Variants in TMEM178B observed in about 807,000 individuals in gnomAD.
TMEM178B encodes transmembrane protein 178B.
In TMEM178B, 5 loss-of-function variants were observed where a neutral mutation model predicts 31.0. The observed-to-expected ratio is 0.16, with a 90% CI of 0.08 to 0.34. TMEM178B has a LOEUF of 0.34. TMEM178B is among the 10% of genes least tolerant of loss of function. The probability of loss-of-function intolerance (pLI) is 1.00; values close to 1 mark genes in which losing one functional copy is unlikely to be tolerated. For missense variants in TMEM178B, 275 were observed against 400.3 expected, an observed-to-expected ratio of 0.69 and a Z score of 2.67; for synonymous variants, 164 against 164.0, an observed-to-expected ratio of 1.00 and a Z score of 0.00.
At chr7:141,204,099 C>T (rs1353211291) in intron 1 of TMEM178B, among the ~76,000 whole-genome samples, 2 of 152,224 alleles carry the variant, frequency 1.3e-5, no homozygotes, top group Non-Finnish European at 2.9e-5. Context: ...CTACACTCCT[C>T]TAAGTCATTG....
At chr7:141,262,268 T>C (rs1798024684) in intron 2 of TMEM178B, among the ~76,000 whole-genome samples, 1 of 152,060 alleles carries the variant, frequency 6.6e-6, no homozygotes, top group Non-Finnish European at 1.5e-5. Context: ...GTGGAATCTA[T>C]AGAAAATCAG....
chr7:141,427,832 A>G (rs1259535213), intron 2 of TMEM178B, among the ~76,000 whole-genome samples: 1 of 152,242 alleles, frequency 6.6e-6, no homozygotes, highest in Admixed American at 6.5e-5. Context: ...CAAAATATAT[A>G]AGAAACTAAA....
downstream of TMEM178B, chr7:141,480,395 TA>T (rs1344434696): frequency 1.3e-5 from 2 of 152,220 alleles, no homozygotes; most frequent in Non-Finnish European, 2.9e-5. Context: ...TGTGTCTGCT[TA>T]GGGGTAGGGA....
chr7:141,506,114 G>T, the TMEM178B span, among the ~76,000 whole-genome samples: 3 of 152,368 alleles, frequency 2.0e-5, no homozygotes, highest in South Asian at 4.1e-4. Flanking sequence ...AGTGCACATT[G>T]CTCCCAGGGC....
chr7:141,482,526 T>C (rs1802495863), downstream of TMEM178B, among the ~76,000 whole-genome samples: 1 of 152,186 alleles, frequency 6.6e-6, no homozygotes, highest in Non-Finnish European at 1.5e-5. Flanking sequence ...AGGTGCTTAC[T>C]GGTCTGAACC....
At chr7:141,233,235 T>G (rs1229066270) in intron 2 of TMEM178B, among the ~76,000 whole-genome samples, 1 of 152,254 alleles carries the variant, frequency 6.6e-6, no homozygotes, top group Admixed American at 6.5e-5. Flanking sequence ...TTTTATCTTT[T>G]AATCCCAATG....
At chr7:141,392,575 A>G (rs1323762993) in intron 2 of TMEM178B, among the ~76,000 whole-genome samples, 1 of 152,194 alleles carries the variant, frequency 6.6e-6, no homozygotes, top group Non-Finnish European at 1.5e-5. Context: ...AAAGTGAACT[A>G]TGATTCCCTA....
intron 2 of TMEM178B, among the ~76,000 whole-genome samples, chr7:141,362,918 A>G (rs1309168758): frequency 6.6e-6 from 1 of 151,428 alleles, no homozygotes; most frequent in African/African-American, 2.5e-5. Flanking sequence ...GGCCATCTGG[A>G]AAAGTGCTCA....
At chr7:141,389,553 C>T (rs1342392618) in intron 2 of TMEM178B, among the ~76,000 whole-genome samples, 2 of 152,092 alleles carry the variant, frequency 1.3e-5, no homozygotes, top group Non-Finnish European at 2.9e-5. Flanking sequence ...TGGGAGGCCC[C>T]GATGTTCCCA....
Position 141,137,358 on chromosome 7 carries a change from A to G in TMEM178B, c.382+62666A>G, listed in dbSNP as rs565458844. On this transcript the variant is annotated intron_variant, in intron 1 of 3. Coordinates refer to ENST00000565468, the MANE Select transcript of TMEM178B (RefSeq NM_001195278.2). ...TAGATAAAGGAAATGTGGCATATAT[A>G]TGCAATGAAATACTATTCAGCCATC... 1.6e-4 allele frequency among the ~76,000 whole-genome samples: 24 copies of G among 152,350 alleles called. No homozygotes were observed. In the South Asian group the frequency reaches 5.0e-3, roughly 32 times the overall value.
the TMEM178B span, among the ~76,000 whole-genome samples, chr7:141,499,123 G>T: frequency 6.6e-6 from 1 of 152,058 alleles, no homozygotes; most frequent in African/African-American, 2.4e-5. Flanking sequence ...CAAGCTTCAG[G>T]GGCTACTGTG....
intron 2 of TMEM178B, among the ~76,000 whole-genome samples, chr7:141,377,425 T>C (rs1393786802): frequency 6.6e-6 from 1 of 151,974 alleles, no homozygotes; most frequent in Non-Finnish European, 1.5e-5. Flanking sequence ...TCAGGTGATC[T>C]GCCTGCCTCG....
intron 1 of TMEM178B, among the ~76,000 whole-genome samples, chr7:141,119,472 T>G (rs777238944): frequency 6.6e-6 from 1 of 152,148 alleles, no homozygotes; most frequent in South Asian, 2.1e-4. Context: ...AGTGACTTAG[T>G]GTGATTTTAC....
chr7:141,102,165 G>T (rs1795069626), intron 1 of TMEM178B, among the ~76,000 whole-genome samples: 1 of 152,172 alleles, frequency 6.6e-6, no homozygotes, highest in African/African-American at 2.4e-5. Flanking sequence ...TTTCATTAGA[G>T]AGTGCGAATG....
the TMEM178B span, among the ~76,000 whole-genome samples, chr7:141,489,164 G>A: frequency 6.6e-6 from 1 of 152,082 alleles, no homozygotes; most frequent in Non-Finnish European, 1.5e-5. Flanking sequence ...TCTCTTCTTT[G>A]TGCTGAATAC....
intron 2 of TMEM178B, among the ~76,000 whole-genome samples, chr7:141,423,749 A>T (rs887771250): frequency 4.0e-5 from 6 of 150,918 alleles, no homozygotes; most frequent in Admixed American, 6.6e-5. Context: ...GTTCCCATGG[A>T]CCTCAGTAGT....
chr7:141,369,875 G>A (rs1335493842), intron 2 of TMEM178B, among the ~76,000 whole-genome samples: 1 of 152,122 alleles, frequency 6.6e-6, no homozygotes, highest in East Asian at 1.9e-4. Flanking sequence ...TGCTTGAAAA[G>A]GCCCATAGAA....
intron 2 of TMEM178B, chr7:141,429,822 TGTCA>T (rs1801390847): frequency 6.6e-6 from 1 of 152,234 alleles, no homozygotes; most frequent in South Asian, 2.1e-4. Flanking sequence ...AAATGTTATC[TGTCA>T]ATTAAAAAAG....
At position 141,461,497 on chromosome 7, in the gene TMEM178B, C is replaced by A. The variant is rs1288729310; in HGVS notation, c.635-9039C>A. Among the ~76,000 whole-genome samples the A allele has an allele frequency of 6.6e-6, 1 of 152,242 alleles. No individual in the cohort carries two copies. The highest frequency in any genetic ancestry group is 1.9e-4 in the East Asian group (1 of 5,198). On this transcript the variant is annotated intron_variant, in intron 3 of 3. Transcript: ENST00000565468. This position sits in a 1 kb window ranked among gnomAD's most constrained non-coding sequence, Gnocchi z 4.0. Reference sequence around the variant, plus strand: ...ATATTTGGGCAAATGCCTGTGCACACAATGTGTAACTGCCCTGAATCTCTG... The same window carrying A: ...ATATTTGGGCAAATGCCTGTGCACAAAATGTGTAACTGCCCTGAATCTCTG...
Sources: allele counts gnomAD v4.1 joint callset (sites outside exome capture counted in the v4.1 genomes callset), GRCh38; gene constraint gnomAD v4.1.1; non-coding constraint Gnocchi (gnomAD v3.1); transcripts MANE v1.5; gene names NCBI Gene and HGNC (gene_info 2026-07-23, HGNC 2026-07-21).